Variants in TMC5 observed in about 807,000 individuals in gnomAD.
TMC5 encodes transmembrane channel-like protein 5.
Under a neutral mutation model 110.5 loss-of-function variants are expected in TMC5, and 86 were observed. The observed-to-expected ratio is 0.78, with a 90% CI of 0.65 to 0.93. TMC5 has a LOEUF of 0.93. Ranked by LOEUF, TMC5 falls within the 40% of genes least tolerant of loss-of-function variation. The pLI, the probability that TMC5 is intolerant of heterozygous loss-of-function variation, is 0.00. For synonymous variants in TMC5, 455 were observed against 439.5 expected, an observed-to-expected ratio of 1.04 and a Z score of -0.44; for missense variants, 1,144 against 1,222.8, an observed-to-expected ratio of 0.94 and a Z score of 0.96.
intron 1 of TMC5, among the ~76,000 whole-genome samples, chr16:19,422,569 C>G (rs1031476620): frequency 1.3e-5 from 2 of 152,172 alleles, no homozygotes; most frequent in African/African-American, 4.8e-5. Flanking sequence ...TGGCTCACGT[C>G]TGTTGTAGCC....
At chr16:19,459,499 C>G (rs571854844) in intron 5 of TMC5, among the ~76,000 whole-genome samples, 4 of 152,242 alleles carry the variant, frequency 2.6e-5, no homozygotes, top group African/African-American at 9.6e-5. Flanking sequence ...GCAAGAGAGC[C>G]AGGCGTGGTG....
intron 2 of TMC5, among the ~76,000 whole-genome samples, chr16:19,431,259 G>A (rs1338308004): frequency 6.6e-6 from 1 of 152,118 alleles, no homozygotes; most frequent in Non-Finnish European, 1.5e-5. Flanking sequence ...AAAACGTGGG[G>A]GCCGGGCGCG....
At chr16:19,420,798 C>G (rs1316650394) in intron 1 of TMC5, among the ~76,000 whole-genome samples, 1 of 152,138 alleles carries the variant, frequency 6.6e-6, no homozygotes, top group East Asian at 1.9e-4. Context: ...AAAAGACAGT[C>G]CTGTGTTTAG....
At chr16:19,417,418 CAAAAA>C (rs34861075), upstream of TMC5, among the ~76,000 whole-genome samples, 3 of 85,332 alleles carry the variant, frequency 3.5e-5, no homozygotes, top group Admixed American at 1.4e-4. Context: ...AACGCTGTCT[CAAAAA>C]AAAAAAAAAA....
intron 5 of TMC5, among the ~76,000 whole-genome samples, chr16:19,458,119 C>G (rs1184842450): frequency 6.6e-6 from 1 of 152,130 alleles, no homozygotes; most frequent in African/African-American, 2.4e-5. Context: ...CTCTTGTTGG[C>G]AAGATCATCA....
Position 19,497,142 on chromosome 16 carries a change from G to A in TMC5, c.2953G>A (p.Gly985Arg). 1 of 1,613,922 alleles carries A rather than the reference G, an allele frequency of 6.2e-7. No individual in the cohort carries two copies. Among genetic ancestry groups the A allele is most frequent in the Non-Finnish European group, 8.5e-7 (1 of 1,179,950 alleles). Residue 985 changes from glycine (G) to arginine (R), a missense_variant, in exon 21 of 22, where the codon GGG (glycine) becomes AGG (arginine). Coordinates refer to ENST00000542583, the MANE Select transcript of TMC5 (RefSeq NM_001261841.2). ...TCAGCAACAAGGCTTTTTGCATTTGGGGGAACATGATGGCAGTCTTGGTGA... is the reference window on the plus strand; with the variant it reads ...TCAGCAACAAGGCTTTTTGCATTTGAGGGAACATGATGGCAGTCTTGGTGA... ...EVEQQGFLHL[G>R]EHDGSLDLRS... is the part of the protein sequence containing the mutation.
chr16:19,449,292 T>C (rs1236893790), intron 4 of TMC5, among the ~76,000 whole-genome samples: 1 of 152,172 alleles, frequency 6.6e-6, no homozygotes, highest in Non-Finnish European at 1.5e-5. Context: ...TGCCAACAAT[T>C]ATTTTTAACT....
chr16:19,432,953 T>G (rs1441368486), intron 2 of TMC5, among the ~76,000 whole-genome samples: 1 of 118,344 alleles, frequency 8.4e-6, no homozygotes, highest in Non-Finnish European at 1.9e-5. Flanking sequence ...TATGTAGATA[T>G]GAATAAATAT....
chr16:19,465,054 TCTTTTCCTTCC>T (rs1287760316), intron 8 of TMC5, among the ~76,000 whole-genome samples: 3 of 100,458 alleles, frequency 3.0e-5, no homozygotes, highest in African/African-American at 1.7e-4. Flanking sequence ...TTTCTTTCTT[TCTTTTCCTTCC>T]TTCCTTCCTT....
In TMC5 at chr16:19,458,790, G is replaced by C. The variant is rs13337058; in HGVS notation, c.1049-1445G>C. ...TCATCCTCAGCAGAGAGATTTGGTG[G>C]TCCTCTTTTGGGAATTCCCCTTACA... On this transcript the variant is annotated intron_variant, in intron 5 of 21. Transcript: ENST00000542583. Among the ~76,000 whole-genome samples, 1,422 of 152,134 alleles carry C rather than the reference G, an allele frequency of 9.3e-3. 28 individuals carry two copies. The highest frequency in any genetic ancestry group is 0.032 in the African/African-American group (1,334 of 41,498).
intron 12 of TMC5, among the ~76,000 whole-genome samples, chr16:19,476,014 A>G (rs776574078): frequency 2.6e-5 from 4 of 152,120 alleles, no homozygotes; most frequent in Non-Finnish European, 5.9e-5. Flanking sequence ...GTGAATGAAT[A>G]AGCAAATTGG....
chr16:19,447,455 CAATT>C (rs1318264301), intron 4 of TMC5, among the ~76,000 whole-genome samples: 1 of 152,124 alleles, frequency 6.6e-6, no homozygotes, highest in Non-Finnish European at 1.5e-5. Flanking sequence ...TGCTGAATAA[CAATT>C]AATCTACTAT....
chr16:19,422,177 G>A (rs888598518), intron 1 of TMC5, among the ~76,000 whole-genome samples: 2 of 151,266 alleles, frequency 1.3e-5, no homozygotes, highest in African/African-American at 4.9e-5. Context: ...GTTGCAGTGA[G>A]CCAAGATCAC....
In TMC5 at chr16:19,463,342, T is replaced by C. The variant is rs1968077590; in HGVS notation, c.1211T>C (p.Ile404Thr). The C allele has an allele frequency of 6.2e-7, 1 of 1,614,002 alleles. No homozygotes were observed. Among genetic ancestry groups the C allele is most frequent in the Non-Finnish European group, 8.5e-7 (1 of 1,179,874 alleles). ...CGTATCCTTCAGCTCAATTGCTGTA[T>C]TCAGTGTCTGAACTCCATTTCCCGG... ...THRILQLNCC[I>T]QCLNSISRAY... is the part of the protein sequence containing the mutation. Residue 404 changes from isoleucine (I) to threonine (T), a missense_variant, in exon 7 of 22, where the codon ATT becomes ACT. Coordinates refer to ENST00000542583, the MANE Select transcript of TMC5 (RefSeq NM_001261841.2).
At chr16:19,424,974 C>G (rs940548059) in intron 1 of TMC5, among the ~76,000 whole-genome samples, 4 of 152,200 alleles carry the variant, frequency 2.6e-5, no homozygotes, top group African/African-American at 9.7e-5. Flanking sequence ...CTGTTGAAAG[C>G]TGCCTCATTG....
intron 1 of TMC5, among the ~76,000 whole-genome samples, chr16:19,425,931 C>CCCG (rs1967080364): frequency 6.6e-6 from 1 of 152,220 alleles, no homozygotes; most frequent in African/African-American, 2.4e-5. Context: ...AGGCAATCCA[C>CCCG]CCGCCTTGGC....
In TMC5 at chr16:19,432,799, A is replaced by G. The variant is rs73538014; in HGVS notation, c.-80+2159A>G. On this transcript the variant is annotated intron_variant, in intron 2 of 21. Transcript: ENST00000542583. ...ACTTGAAGCTAATTGTTGGCTGATC[A>G]CATATAACATCCATCTTTCTATCTA... 6.7e-3 allele frequency among the ~76,000 whole-genome samples: 1,027 copies of G among 152,290 alleles called. 15 individuals carry two copies. Among genetic ancestry groups the G allele is most frequent in the African/African-American group, 0.023 (957 of 41,562 alleles).
At chr16:19,434,335 A>G (rs1319805957) in intron 2 of TMC5, among the ~76,000 whole-genome samples, 3 of 125,314 alleles carry the variant, frequency 2.4e-5, no homozygotes, top group African/African-American at 6.0e-5. Flanking sequence ...ATCTATATAT[A>G]ATATATATTA....
chr16:19,477,292 A>G, intron 12 of TMC5, 148 bp from the exon 13 acceptor site: 2 of 639,894 alleles, frequency 3.1e-6, no homozygotes, highest in Admixed American at 5.5e-5. Context: ...TTCTGTTCAC[A>G]ATTCATTCAC....
Sources: gnomAD v4.1 joint callset for allele counts (sites outside exome capture counted in the v4.1 genomes callset) on GRCh38, gnomAD v4.1.1 for gene constraint, MANE v1.5 for transcripts, NCBI Gene and HGNC (gene_info 2026-07-23, HGNC 2026-07-21) for gene names.